Variants in MEGF11 observed in about 807,000 individuals in gnomAD.
The protein encoded by MEGF11 is multiple epidermal growth factor-like domains protein 11.
In MEGF11, 126 loss-of-function variants were observed where a neutral mutation model predicts 146.6. The observed-to-expected ratio is 0.86, with a 90% CI of 0.74 to 1.00. The LOEUF is 1.00. Ranked by LOEUF, MEGF11 falls within the 50% of genes least tolerant of loss-of-function variation. The pLI is 0.00. For synonymous variants in MEGF11, 532 were observed against 583.4 expected (o/e 0.91, Z 1.27); for missense variants, 1,509 against 1,521.2 (o/e 0.99, Z 0.13).
chr15:66,116,242 A>G (rs1303427298), intron 4 of MEGF11, among the ~76,000 whole-genome samples: 3 of 152,100 alleles, frequency 2.0e-5, no homozygotes, highest in Non-Finnish European at 2.9e-5. Flanking sequence ...CCTTTTTCAC[A>G]TCCAGTCTCT....
chr15:65,946,076 C>T (rs528291373), intron 10 of MEGF11, among the ~76,000 whole-genome samples: 81 of 152,206 alleles, frequency 5.3e-4, no homozygotes, highest in Non-Finnish European at 9.7e-4. Flanking sequence ...GTTCTTAGAA[C>T]AGTGCCTGGC....
At chr15:66,213,926 C>T (rs1356236258) in intron 1 of MEGF11, among the ~76,000 whole-genome samples, 1 of 151,958 alleles carries the variant, frequency 6.6e-6, no homozygotes, top group African/African-American at 2.4e-5. Context: ...CAAGATGGCT[C>T]CCAAACCAGA....
chr15:65,959,659 A>T (rs1446368452), intron 9 of MEGF11, among the ~76,000 whole-genome samples: 2 of 152,220 alleles, frequency 1.3e-5, no homozygotes, highest in Admixed American at 1.3e-4. Flanking sequence ...ATGCACAGAG[A>T]TGTTCCCTGA....
At chr15:66,093,722 C>T (rs1390056142) in intron 5 of MEGF11, among the ~76,000 whole-genome samples, 1 of 152,110 alleles carries the variant, frequency 6.6e-6, no homozygotes, top group African/African-American at 2.4e-5. Flanking sequence ...GCAGAGAATT[C>T]CCTGAACTGC....
chr15:65,982,797 G>A lies in MEGF11; in HGVS notation c.395-309C>T, dbSNP rs149837379. On this transcript the variant is annotated intron_variant, in intron 5 of 25. Transcript: ENST00000395614. The surrounding 1 kb of genome is among the most constrained non-coding windows in gnomAD (Gnocchi z 5.6). ...GCCCTAAGCCCCCCTCTCCTGTATT[G>A]AAATTCCGGAGCCACAAGCTGTTTA... 1.7e-4 allele frequency among the ~76,000 whole-genome samples: 26 copies of A among 152,234 alleles called. No homozygotes were observed. The East Asian group carries it at 5.0e-3, about 29-fold the overall frequency.
At chr15:66,116,995 G>C (rs777081161) in intron 4 of MEGF11, among the ~76,000 whole-genome samples, 23 of 152,208 alleles carry the variant, frequency 1.5e-4, no homozygotes, top group Non-Finnish European at 2.5e-4. Flanking sequence ...CCAGATGTGT[G>C]ATCTTGGGCA....
intron 1 of MEGF11, among the ~76,000 whole-genome samples, chr15:66,245,120 G>A (rs539111658): frequency 2.6e-4 from 39 of 152,248 alleles, no homozygotes; most frequent in African/African-American, 8.7e-4. Flanking sequence ...GACTAACACT[G>A]GTCTTAAAGG....
At chr15:66,212,642 C>A (rs188058796) in intron 1 of MEGF11, among the ~76,000 whole-genome samples, 34 of 152,354 alleles carry the variant, frequency 2.2e-4, no homozygotes, top group African/African-American at 7.5e-4. Context: ...GAATGCGCTT[C>A]CTTCCACCCC....
chr15:65,981,751 G>A (rs963336552), intron 6 of MEGF11, among the ~76,000 whole-genome samples: 7 of 152,110 alleles, frequency 4.6e-5, no homozygotes, highest in African/African-American at 1.4e-4. Flanking sequence ...GTAGGGGAGA[G>A]GAACAGGCAG....
chr15:66,212,689 G>T (rs763912499), intron 1 of MEGF11, among the ~76,000 whole-genome samples: 1 of 128,770 alleles, frequency 7.8e-6, no homozygotes, highest in African/African-American at 3.0e-5. Flanking sequence ...ATCCGCACAC[G>T]CGGCATCCCC....
At chr15:65,931,935 C>T (rs1255335328) in intron 10 of MEGF11, among the ~76,000 whole-genome samples, 1 of 152,212 alleles carries the variant, frequency 6.6e-6, no homozygotes, top group African/African-American at 2.4e-5. Flanking sequence ...CTGCCAAGGT[C>T]ACAGAACTAA....
rs1008059311 is a variant in MEGF11, at chr15:65,977,571, C to T, written c.762+3207G>A. Among the ~76,000 whole-genome samples the T allele has an allele frequency of 7.3e-5, 11 of 151,670 alleles. 1 individual carries two copies. The highest frequency in any genetic ancestry group is 2.7e-4 in the African/African-American group (11 of 41,260). On this transcript the variant is annotated intron_variant, in intron 7 of 25. Coordinates refer to ENST00000395614, the MANE Select transcript of MEGF11 (RefSeq NM_001385028.1). ...CTTGGCTCACTGCAACCTCTACCTC[C>T]TGGTTTCAAGCAATTCTCCTGCCTC...
chr15:66,059,936 G>A (rs1206993452), intron 5 of MEGF11, among the ~76,000 whole-genome samples: 3 of 152,168 alleles, frequency 2.0e-5, no homozygotes, highest in African/African-American at 7.2e-5. Context: ...GGGTTCCTGG[G>A]AAGGTTGGGC....
intron 5 of MEGF11, among the ~76,000 whole-genome samples, chr15:66,020,537 A>G (rs1049803336): frequency 8.5e-5 from 13 of 152,182 alleles, no homozygotes; most frequent in Admixed American, 3.3e-4. Flanking sequence ...AATAAAAAGT[A>G]TTGTTTAATG....
intron 3 of MEGF11, among the ~76,000 whole-genome samples, chr15:66,122,600 C>A (rs1193459499): frequency 6.6e-6 from 1 of 152,192 alleles, no homozygotes; most frequent in Admixed American, 6.5e-5. Context: ...TCCCTTACTA[C>A]CTTATTTACC....
rs572468079 is a variant in MEGF11 at position 65,982,016 on chromosome 15, C to T, written c.641+226G>A. On this transcript the variant is annotated intron_variant, in intron 6 of 25. Transcript: ENST00000395614. The surrounding 1 kb of genome is among the most constrained non-coding windows in gnomAD (Gnocchi z 5.6). ...GAATCTGAGACCTGCGTGGGTGAGG[C>T]CTGGGCATTTAGACTCACAGGAGAT... 2.0e-5 allele frequency among the ~76,000 whole-genome samples: 3 copies of T among 152,306 alleles called. No homozygotes were observed. The highest frequency in any genetic ancestry group is 2.1e-4 in the South Asian group (1 of 4,824).
At chr15:65,904,509 G>A (rs2078571930) in intron 24 of MEGF11, among the ~76,000 whole-genome samples, 1 of 152,152 alleles carries the variant, frequency 6.6e-6, no homozygotes, top group African/African-American at 2.4e-5. Flanking sequence ...TCGCTGTCTT[G>A]TTCAGAATGC....
chr15:66,232,567 G>C (rs1174439085), intron 1 of MEGF11, among the ~76,000 whole-genome samples: 1 of 152,022 alleles, frequency 6.6e-6, no homozygotes, highest in Non-Finnish European at 1.5e-5. Context: ...TAAAATCCTA[G>C]CTCTCTCCTG....
intron 5 of MEGF11, among the ~76,000 whole-genome samples, chr15:66,083,238 C>G (rs2085972417): frequency 6.6e-6 from 1 of 152,184 alleles, no homozygotes; most frequent in African/African-American, 2.4e-5. Flanking sequence ...AGGTAGAGAT[C>G]ATCTTTTTGG....
Sources: allele counts gnomAD v4.1 joint callset (sites outside exome capture counted in the v4.1 genomes callset), GRCh38; gene constraint gnomAD v4.1.1; non-coding constraint Gnocchi (gnomAD v3.1); transcripts MANE v1.5; gene names NCBI Gene and HGNC (gene_info 2026-07-23, HGNC 2026-07-21).